Variants in CUX2 observed in about 807,000 individuals in gnomAD.
CUX2 encodes homeobox protein cut-like 2.
In CUX2, 40 loss-of-function variants were observed where a neutral mutation model predicts 144.8. That is an observed-to-expected ratio of 0.28 (90% CI 0.21 to 0.36). CUX2 has a LOEUF of 0.36. Ranked by LOEUF, CUX2 falls within the 10% of genes least tolerant of loss-of-function variation. The pLI is 1.00. For synonymous variants in CUX2, 827 were observed against 875.6 expected, an observed-to-expected ratio of 0.94 and a Z score of 0.98; for missense variants, 1,615 against 1,994.0, an observed-to-expected ratio of 0.81 and a Z score of 3.62.
At chr12:111,113,056 A>T (rs1041186464) in intron 1 of CUX2, among the ~76,000 whole-genome samples, 24 of 152,298 alleles carry the variant, frequency 1.6e-4, no homozygotes, top group African/African-American at 5.3e-4. Context: ...CTTGCCAGGG[A>T]GGGAGGAAAG....
rs1887570919 is a variant in CUX2, at chr12:111,322,218, T to G, written c.2767-203T>G. On this transcript the variant is annotated intron_variant, in intron 17 of 21. Coordinates refer to ENST00000261726, the MANE Select transcript of CUX2 (RefSeq NM_015267.4). The surrounding 1 kb of genome is among the most constrained non-coding windows in gnomAD (Gnocchi z 4.2). ...TACAAGTCCCAACTACTAAGGAGGC[T>G]GAGGCAGGAGAATCATTTGAACCTG... Among the ~76,000 whole-genome samples, 1 of 150,168 alleles carries G rather than the reference T, an allele frequency of 6.7e-6. No individual in the cohort carries two copies. Among genetic ancestry groups the G allele is most frequent in the Non-Finnish European group, 1.5e-5 (1 of 67,896 alleles).
At chr12:111,245,881 C>A (rs906713626) in intron 3 of CUX2, among the ~76,000 whole-genome samples, 1 of 152,168 alleles carries the variant, frequency 6.6e-6, no homozygotes, top group South Asian at 2.1e-4. Context: ...CCCACGGGGG[C>A]CTGGCAGGTG....
intron 1 of CUX2, among the ~76,000 whole-genome samples, chr12:111,152,702 T>C (rs760525131): frequency 4.6e-5 from 7 of 152,258 alleles, no homozygotes; most frequent in South Asian, 2.1e-4. Context: ...GCCTGAAAAA[T>C]AGACGCATGT....
At chr12:111,079,966 T>G (rs1487576629) in intron 1 of CUX2, among the ~76,000 whole-genome samples, 1 of 152,190 alleles carries the variant, frequency 6.6e-6, no homozygotes, top group Non-Finnish European at 1.5e-5. Flanking sequence ...ATGTCAGAAG[T>G]CCTGGGTTCT....
rs534599364 is a variant in CUX2 at position 111,139,292 on chromosome 12, G to A, written c.64-74908G>A. Among the ~76,000 whole-genome samples, 5 of 152,166 alleles carry A rather than the reference G, an allele frequency of 3.3e-5. 1 individual carries two copies. The highest frequency in any genetic ancestry group is 9.6e-5 in the African/African-American group (4 of 41,526). On this transcript the variant is annotated intron_variant, in intron 1 of 21. Coordinates refer to ENST00000261726, the MANE Select transcript of CUX2 (RefSeq NM_015267.4). ...AGAGAAAGATCCTGCTGGCCCGAGT[G>A]GTCCACAAGTGCTCAATAGGAGGAG...
At chr12:111,258,907 G>T (rs1400641955) in intron 3 of CUX2, among the ~76,000 whole-genome samples, 1 of 152,084 alleles carries the variant, frequency 6.6e-6, no homozygotes. Context: ...TGTTGTCCAG[G>T]CTAGAGTGCA....
chr12:111,157,493 C>T (rs1007637837), intron 1 of CUX2, among the ~76,000 whole-genome samples: 1 of 151,988 alleles, frequency 6.6e-6, no homozygotes, highest in African/African-American at 2.4e-5. Flanking sequence ...AAAAAAATCA[C>T]TCTAGGTTGT....
rs115981039 is a variant in CUX2 at position 111,083,930 on chromosome 12, C to T, written c.63+49690C>T. On this transcript the variant is annotated intron_variant, in intron 1 of 21. Coordinates refer to ENST00000261726, the MANE Select transcript of CUX2 (RefSeq NM_015267.4). ...GGAAGAACAACAAGCCAGCCCTTGG[C>T]ACAAAGGGCAGTGAGAGTAGAGAGC... 7.7e-3 allele frequency among the ~76,000 whole-genome samples: 1,171 copies of T among 152,214 alleles called. 22 individuals carry two copies. The highest frequency in any genetic ancestry group is 0.026 in the African/African-American group (1,094 of 41,520).
At chr12:111,198,450 G>A in intron 1 of CUX2, among the ~76,000 whole-genome samples, 1 of 149,582 alleles carries the variant, frequency 6.7e-6, no homozygotes, top group Non-Finnish European at 1.5e-5. Flanking sequence ...ACTCCAACCT[G>A]AGGTACAGAG....
In CUX2 at chr12:111,338,403, G is replaced by A. The variant is rs866772697; in HGVS notation, c.3314G>A (p.Arg1105His). 1 of 1,614,084 alleles carries A rather than the reference G, an allele frequency of 6.2e-7. No homozygotes were observed. The highest frequency in any genetic ancestry group is 8.5e-7 in the Non-Finnish European group (1 of 1,180,000). ...CTGAAGGGGCGGGAGCCTTTTGTCC[G>A]CATGCAGCTGTGGCTCAATGACCCC... ...LSLKGREPFVRMQLWLNDPHN... is the reference protein window; with the variant it reads ...LSLKGREPFVHMQLWLNDPHN... The change falls in exon 20 of 22, where the codon CGC (arginine) becomes CAC (histidine). Residue 1105 changes from arginine to histidine, a missense_variant. This residue lies in a region of CUX2 where 131 missense variants were observed against 223.1 expected (regional missense o/e 0.59). Transcript: ENST00000261726.
At chr12:111,233,596 G>A (rs1040451870) in intron 3 of CUX2, among the ~76,000 whole-genome samples, 5 of 152,178 alleles carry the variant, frequency 3.3e-5, no homozygotes, top group Non-Finnish European at 7.3e-5. Flanking sequence ...ATGGGAGGGG[G>A]CGGGGGAGCA....
intron 1 of CUX2, among the ~76,000 whole-genome samples, chr12:111,041,759 G>A (rs909862139): frequency 2.8e-4 from 43 of 152,302 alleles, no homozygotes; most frequent in African/African-American, 9.9e-4. Context: ...GTCCTCAGTG[G>A]GTCAGGCCAG....
Position 111,093,199 on chromosome 12 carries a change from C to T in CUX2, c.63+58959C>T, listed in dbSNP as rs949060944. Among the ~76,000 whole-genome samples the T allele has an allele frequency of 8.5e-5, 13 of 152,326 alleles. 1 individual carries two copies. Among genetic ancestry groups the T allele is most frequent in the Non-Finnish European group, 1.6e-4 (11 of 68,040 alleles). On this transcript the variant is annotated intron_variant, in intron 1 of 21. Coordinates refer to ENST00000261726, the MANE Select transcript of CUX2 (RefSeq NM_015267.4). ...GAGATGCAAATGCAGGTACATCCAC[C>T]TCTATGTCTCACTTCCTCTGGCTCC...
chr12:111,118,329 C>T (rs983358329), intron 1 of CUX2, among the ~76,000 whole-genome samples: 2 of 152,100 alleles, frequency 1.3e-5, no homozygotes, highest in Non-Finnish European at 2.9e-5. Flanking sequence ...TTACATCCAC[C>T]AAATGTGTAT....
intron 1 of CUX2, among the ~76,000 whole-genome samples, chr12:111,054,661 C>G (rs1354742303): frequency 6.6e-6 from 1 of 152,176 alleles, no homozygotes; most frequent in Non-Finnish European, 1.5e-5. Flanking sequence ...GAGTCTCACT[C>G]TGTCACTGAG....
At chr12:111,323,044 G>A (rs1005655442) in intron 18 of CUX2, among the ~76,000 whole-genome samples, 1 of 152,222 alleles carries the variant, frequency 6.6e-6, no homozygotes, top group African/African-American at 2.4e-5. Flanking sequence ...CTTTGCCCGG[G>A]TGAGGAAACG....
intron 16 of CUX2, among the ~76,000 whole-genome samples, chr12:111,316,279 C>A (rs904703231): frequency 6.6e-6 from 1 of 150,470 alleles, no homozygotes; most frequent in African/African-American, 2.5e-5. Context: ...GCTGGGATTA[C>A]AGGCATGTGC....
chr12:111,141,906 A>G (rs749334276), intron 1 of CUX2, among the ~76,000 whole-genome samples: 1 of 152,202 alleles, frequency 6.6e-6, no homozygotes, highest in Non-Finnish European at 1.5e-5. Flanking sequence ...CCAACATGCG[A>G]AACCCTGTCT....
chr12:111,341,975 C>T lies in CUX2; in HGVS notation c.3581C>T (p.Ser1194Leu). 6.2e-7 allele frequency: 1 copy of T among 1,614,110 alleles called. No individual in the cohort carries two copies. The highest frequency in any genetic ancestry group is 8.5e-7 in the Non-Finnish European group (1 of 1,180,006). The change falls in exon 21 of 22, where the codon TCG becomes TTG. Residue 1194 changes from serine (S) to leucine (L), a missense_variant. Transcript: ENST00000261726. The part of the protein sequence containing the change: ...RKAYQLEPYP[S>L]QQTIELLSFQ... ...GCCTATCAGCTGGAACCCTACCCCT[C>T]GCAGCAGACCATCGAGCTCCTCTCC...
Sources: allele counts gnomAD v4.1 joint callset (sites outside exome capture counted in the v4.1 genomes callset), GRCh38; gene constraint gnomAD v4.1.1; regional missense constraint gnomAD v4.1.1; non-coding constraint Gnocchi (gnomAD v3.1); transcripts MANE v1.5; gene names NCBI Gene and HGNC (gene_info 2026-07-23, HGNC 2026-07-21).